WASL: variants seen among roughly 807,000 people sequenced by gnomAD.
The protein encoded by WASL is actin nucleation-promoting factor WASL.
Under a neutral mutation model 55.5 loss-of-function variants are expected in WASL, and 20 were observed. That is an observed-to-expected ratio of 0.36 (90% CI 0.25 to 0.52). WASL has a LOEUF of 0.52. Ranked by LOEUF, WASL falls within the 20% of genes least tolerant of loss-of-function variation. The pLI is 0.92. For synonymous variants in WASL, 249 were observed against 217.6 expected (o/e 1.14, Z -1.27); for missense variants, 504 against 622.5 (o/e 0.81, Z 2.03).
chr7:123,692,834 G>A lies in WASL; in HGVS notation c.860C>T (p.Pro287Leu). The A allele has an allele frequency of 7.2e-7, 1 of 1,390,474 alleles. No homozygotes were observed. 86.1% of individuals were successfully genotyped at this position (1,390,474 alleles called of 1,614,324 possible). The change falls in exon 9 of 11, where the codon CCA becomes CTA. Residue 287 changes from proline to leucine, a missense_variant. Physicochemically the swap from Pro to Leu is moderately conservative, Grantham distance 98. Transcript: ENST00000223023. ...PPPPPPSRGG[P>L]PPPPPPPHNS... ...GTGTGGAGGGGGAGGAGGAGGAGGTGGCCCTCCCCTTGATGGTGGTGGAGG... is the reference window on the plus strand; with the variant it reads ...GTGTGGAGGGGGAGGAGGAGGAGGTAGCCCTCCCCTTGATGGTGGTGGAGG...
intron 1 of WASL, among the ~76,000 whole-genome samples, chr7:123,720,945 T>TCTGACC (rs1266353399): frequency 1.3e-5 from 2 of 152,208 alleles, no homozygotes; most frequent in Non-Finnish European, 2.9e-5. Context: ...AAATAACCTT[T>TCTGACC]CTGACCTAGA....
intron 1 of WASL, among the ~76,000 whole-genome samples, chr7:123,714,460 AG>A (rs1355377418): frequency 6.6e-6 from 1 of 152,232 alleles, no homozygotes; most frequent in African/African-American, 2.4e-5. Flanking sequence ...GGAATGAAGG[AG>A]GAAAACCACA....
intron 3 of WASL, 111 bp downstream of exon 3, chr7:123,706,624 AAAAAT>A (rs1413386018): frequency 1.2e-4 from 114 of 918,740 alleles, no homozygotes; most frequent in Admixed American, 1.9e-4. Flanking sequence ...TCTTCAGCAA[AAAAAT>A]AAAATAGCAA....
chr7:123,747,001 G>T (rs554648378), intron 1 of WASL, among the ~76,000 whole-genome samples: 1 of 152,136 alleles, frequency 6.6e-6, no homozygotes, highest in Non-Finnish European at 1.5e-5. Context: ...TTCCTAAACT[G>T]AGCATATGCA....
intron 10 of WASL, among the ~76,000 whole-genome samples, chr7:123,687,853 C>T (rs1327439991): frequency 6.6e-6 from 1 of 151,862 alleles, no homozygotes; most frequent in African/African-American, 2.4e-5. Context: ...TTAAGGAAAA[C>T]AAACATTGCT....
At chr7:123,699,551 T>C (rs1185794905) in intron 5 of WASL, among the ~76,000 whole-genome samples, 1 of 152,208 alleles carries the variant, frequency 6.6e-6, no homozygotes, top group Non-Finnish European at 1.5e-5. Flanking sequence ...TCTATTATAC[T>C]ATAGATGACT....
At chr7:123,727,353 T>TCACACACACACACACACACACACA (rs150375537) in intron 1 of WASL, among the ~76,000 whole-genome samples, 16 of 147,818 alleles carry the variant, frequency 1.1e-4, no homozygotes, top group Admixed American at 5.4e-4. Context: ...AAAATATGTG[T>TCACACACACACACACACACACACA]CACACACACA....
At chr7:123,716,485 C>A (rs891043911) in intron 1 of WASL, among the ~76,000 whole-genome samples, 1 of 151,842 alleles carries the variant, frequency 6.6e-6, no homozygotes, top group Non-Finnish European at 1.5e-5. Flanking sequence ...TGAACTCAGG[C>A]GATCTGCTTG....
chr7:123,706,456 A>G (rs1009777153), intron 3 of WASL, 83 bp from the exon 4 acceptor site: 2 of 1,305,086 alleles, frequency 1.5e-6, no homozygotes, highest in African/African-American at 1.5e-5. Flanking sequence ...GAAAAGAAGT[A>G]TATTTCTAAA....
intron 8 of WASL, 123 bp from the exon 9 acceptor site, chr7:123,692,990 A>T: frequency 8.1e-7 from 1 of 1,241,516 alleles, no homozygotes; most frequent in South Asian, 3.4e-5. Context: ...TCATCTTTGC[A>T]TTTTATTTTA....
At chr7:123,689,549 G>T (rs13230230) in intron 9 of WASL, among the ~76,000 whole-genome samples, 2 of 151,948 alleles carry the variant, frequency 1.3e-5, no homozygotes, top group Admixed American at 6.5e-5. Context: ...GAGTTGTTAC[G>T]TGGGACGCAC....
At chr7:123,712,112 A>G (rs1013992948) in intron 1 of WASL, among the ~76,000 whole-genome samples, 2 of 151,902 alleles carry the variant, frequency 1.3e-5, no homozygotes, top group Admixed American at 6.6e-5. Flanking sequence ...TATTTCTCTG[A>G]TTCCTTAGGT....
intron 6 of WASL, 68 bp from the exon 7 acceptor site, chr7:123,695,933 A>C: frequency 2.7e-6 from 4 of 1,472,622 alleles, no homozygotes; most frequent in Non-Finnish European, 3.8e-6. Flanking sequence ...CACAATATAT[A>C]TGAAACCCAA....
chr7:123,689,012 C>CTG, intron 10 of WASL, 30 bp downstream of exon 10: 1 of 605,082 alleles, frequency 1.7e-6, no homozygotes. Flanking sequence ...CTCTGTCTCT[C>CTG]TCTCTCTCTC....
chr7:123,723,970 GAC>G (rs1803998296), intron 1 of WASL, among the ~76,000 whole-genome samples: 1 of 152,142 alleles, frequency 6.6e-6, no homozygotes. Flanking sequence ...AATGAGAAAT[GAC>G]ACACTTTTTC....
intron 8 of WASL, 58 bp downstream of exon 8, chr7:123,694,657 T>C: frequency 6.3e-7 from 1 of 1,589,314 alleles, no homozygotes; most frequent in African/African-American, 1.4e-5. Context: ...CTGGTTTCCA[T>C]GAAACTGACC....
chr7:123,717,107 A>C (rs938079644), intron 1 of WASL, among the ~76,000 whole-genome samples: 8 of 151,634 alleles, frequency 5.3e-5, no homozygotes, highest in Admixed American at 6.6e-5. Flanking sequence ...TTTGTTTTTT[A>C]CCTTAATTTT....
intron 5 of WASL, 54 bp downstream of exon 5, chr7:123,704,580 G>C (rs1803638231): frequency 1.4e-6 from 2 of 1,380,230 alleles, no homozygotes; most frequent in Non-Finnish European, 2.0e-6. Context: ...GTTTCCACAA[G>C]GATTAAACTG....
At chr7:123,714,825 T>C (rs1052037073) in intron 1 of WASL, among the ~76,000 whole-genome samples, 1 of 152,050 alleles carries the variant, frequency 6.6e-6, no homozygotes, top group African/African-American at 2.4e-5. Context: ...CTAACTAGTG[T>C]AGGAAGGCTT....
Sources: allele counts gnomAD v4.1 joint callset (sites outside exome capture counted in the v4.1 genomes callset), GRCh38; gene constraint gnomAD v4.1.1; transcripts MANE v1.5; gene names NCBI Gene and HGNC (gene_info 2026-07-23, HGNC 2026-07-21).